The following GRIK1 variants were observed in gnomAD, a reference collection of about 807,000 sequenced individuals.
GRIK1 encodes glutamate receptor ionotropic, kainate 1.
A neutral mutation model predicts 105.7 loss-of-function variants in GRIK1; 69 were observed. That is an observed-to-expected ratio of 0.65 (90% CI 0.54 to 0.80). The LOEUF (loss-of-function observed/expected upper bound fraction) is 0.80, where lower values mean the gene tolerates loss of function less well. GRIK1 is among the 30% of genes least tolerant of loss of function. The pLI, the probability that GRIK1 is intolerant of heterozygous loss-of-function variation, is 0.00. For missense variants in GRIK1, 1,109 were observed against 1,167.3 expected, an observed-to-expected ratio of 0.95 and a Z score of 0.73; for synonymous variants, 438 against 431.3, an observed-to-expected ratio of 1.02 and a Z score of -0.19.
At chr21:29,845,033 C>G (rs991544861) in intron 1 of GRIK1, among the ~76,000 whole-genome samples, 2 of 152,088 alleles carry the variant, frequency 1.3e-5, no homozygotes, top group African/African-American at 4.8e-5. Flanking sequence ...TTATATTATT[C>G]CTTCCTGCAT....
chr21:29,580,492 T>G (rs2091003961), intron 13 of GRIK1, among the ~76,000 whole-genome samples: 1 of 152,052 alleles, frequency 6.6e-6, no homozygotes, highest in Non-Finnish European at 1.5e-5. Flanking sequence ...CCACAGTCTC[T>G]CTCTCTCTAA....
At chr21:29,669,414 A>T (rs2063122648) in intron 4 of GRIK1, among the ~76,000 whole-genome samples, 1 of 152,224 alleles carries the variant, frequency 6.6e-6, no homozygotes, top group South Asian at 2.1e-4. Context: ...AGCTACCAGA[A>T]AAGTAAAAGC....
At chr21:29,668,884 G>A (rs2063110371) in intron 4 of GRIK1, among the ~76,000 whole-genome samples, 2 of 152,204 alleles carry the variant, frequency 1.3e-5, no homozygotes, top group Admixed American at 6.5e-5. Context: ...GTGAGGAGGA[G>A]CAATGGTTTC....
intron 1 of GRIK1, among the ~76,000 whole-genome samples, chr21:29,828,572 G>T (rs978677949): frequency 6.6e-6 from 1 of 152,036 alleles, no homozygotes; most frequent in Non-Finnish European, 1.5e-5. Context: ...CAGGATCTTG[G>T]TTTATTGCAT....
intron 1 of GRIK1, among the ~76,000 whole-genome samples, chr21:29,808,652 C>T (rs2066927199): frequency 6.6e-6 from 1 of 152,164 alleles, no homozygotes; most frequent in African/African-American, 2.4e-5. Flanking sequence ...CTCCTTCATG[C>T]TTTGGCTCTT....
intron 10 of GRIK1, among the ~76,000 whole-genome samples, chr21:29,589,424 CT>C (rs71822803): frequency 0.18 from 24,497 of 137,080 alleles, 2,224 homozygotes; most frequent in Admixed American, 0.27. Context: ...ACCCTTCTGG[CT>C]TTTTTTTTTT....
intron 1 of GRIK1, among the ~76,000 whole-genome samples, chr21:29,747,233 A>T (rs917573702): frequency 1.3e-5 from 2 of 152,224 alleles, no homozygotes; most frequent in East Asian, 3.9e-4. Flanking sequence ...GTCTCAACTG[A>T]TGTCTGCACA....
rs2064891657 is a variant in GRIK1, at chr21:29,740,205, G to T, written c.119-46142C>A. 2.0e-5 allele frequency among the ~76,000 whole-genome samples: 3 copies of T among 150,610 alleles called. No homozygotes were observed. In the Middle Eastern group the frequency reaches 0.01, roughly 523 times the overall value. On this transcript the variant is annotated intron_variant, in intron 1 of 17. Transcript: ENST00000327783. ...CATGGCAGCCACTGCTCCTCATGCT[G>T]CCCTTATTTTCCTTTTCTTTTTTTT...
chr21:29,590,540 G>T (rs2061318084), intron 10 of GRIK1, among the ~76,000 whole-genome samples: 1 of 152,120 alleles, frequency 6.6e-6, no homozygotes, highest in Non-Finnish European at 1.5e-5. Context: ...GGGAGGTGGG[G>T]GTCTGATTTG....
chr21:29,685,442 G>GT (rs3838081), intron 3 of GRIK1, among the ~76,000 whole-genome samples: 7,319 of 151,664 alleles, frequency 0.048, 448 homozygotes, highest in East Asian at 0.18. Context: ...CAGAATAGGA[G>GT]TTTTTTTTGT....
At position 29,694,083 on chromosome 21, in the gene GRIK1, G is replaced by A; in HGVS notation, c.119-20C>T. The A allele has an allele frequency of 6.9e-7, 1 of 1,453,886 alleles. No homozygotes were observed. The highest frequency in any genetic ancestry group is 9.6e-7 in the Non-Finnish European group (1 of 1,037,072). 90.1% of individuals were successfully genotyped at this position (1,453,886 alleles called of 1,614,324 possible). On this transcript the variant is annotated intron_variant, in intron 1 of 17. Coordinates refer to ENST00000327783, the MANE Select transcript of GRIK1 (RefSeq NM_001330994.2). ...TCCCTCCTGCAGAAGCAAAAGAGAT[G>A]CATGAGAAGCGTTAGTCACATGGTT... is the stretch of plus-strand genomic sequence containing the variant.
chr21:29,575,547 C>A (rs767297617), intron 14 of GRIK1, among the ~76,000 whole-genome samples: 1 of 151,844 alleles, frequency 6.6e-6, no homozygotes, highest in African/African-American at 2.4e-5. Context: ...AAAAAAAATA[C>A]CCCTGGCTGA....
rs762478078 is a variant in GRIK1 at position 29,555,288 on chromosome 21, C to T, written c.2371G>A (p.Asp791Asn). ...TGAAGAATAGCAATAGTAATTTTAT[C>T]CCGGTAAGGAGAACCTGGAAGTAAA... is the stretch of plus-strand genomic sequence containing the variant. Reference protein sequence around the residue: ...VGTPIGSPYRDKITIAILQLQ... With the variant: ...VGTPIGSPYRNKITIAILQLQ... The change falls in exon 16 of 18, where the codon GAT becomes AAT. Residue 791 changes from aspartate (D) to asparagine (N), a missense_variant. Asp to Asn is a conservative substitution (Grantham distance 23). Coordinates refer to ENST00000327783, the MANE Select transcript of GRIK1 (RefSeq NM_001330994.2). 2.5e-6 allele frequency: 4 copies of T among 1,613,238 alleles called. No individual in the cohort carries two copies. Among genetic ancestry groups the T allele is most frequent in the Non-Finnish European group, 1.7e-6 (2 of 1,179,532 alleles).
chr21:29,861,877 G>C (rs568014658), intron 1 of GRIK1, among the ~76,000 whole-genome samples: 121 of 151,840 alleles, frequency 8.0e-4, no homozygotes, highest in Non-Finnish European at 1.5e-3. Context: ...TATTTTGTTG[G>C]GGATTTTTGC....
chr21:29,707,442 C>CCTTCCTTCCTTCCTTCCTT (rs2063936502), intron 1 of GRIK1, among the ~76,000 whole-genome samples: 1 of 3,302 alleles, frequency 3.0e-4, no homozygotes, highest in Non-Finnish European at 1.3e-3. Flanking sequence ...CTCCCTCCCT[C>CCTTCCTTCCTTCCTTCCTT]CCTCCCTCCC....
chr21:29,555,215 C>T lies in GRIK1; in HGVS notation c.2444G>A (p.Arg815His), dbSNP rs746882124. The part of the protein sequence containing the change: ...KLHMMKEKWW[R>H]GNGCPEEDNK... ...GTCTTCCTCGGGGCAGCCATTCCCA[C>T]GCCACCACTTCTCTTTCATCATATG... is the stretch of plus-strand genomic sequence containing the variant. Residue 815 changes from arginine (R) to histidine (H), a missense_variant, in exon 16 of 18, where the codon CGT becomes CAT. Physicochemically the swap from Arg to His is conservative, Grantham distance 29. This residue lies in a region of GRIK1 where 18 missense variants were observed against 42.8 expected (regional missense o/e 0.42). Coordinates refer to ENST00000327783, the MANE Select transcript of GRIK1 (RefSeq NM_001330994.2). The T allele has an allele frequency of 4.8e-5, 77 of 1,613,806 alleles. No homozygotes were observed. Among genetic ancestry groups the T allele is most frequent in the Non-Finnish European group, 6.1e-5 (72 of 1,179,880 alleles).
chr21:29,741,990 G>A (rs1291060219), intron 1 of GRIK1, among the ~76,000 whole-genome samples: 2 of 152,194 alleles, frequency 1.3e-5, no homozygotes, highest in Non-Finnish European at 2.9e-5. Flanking sequence ...TAATCATGGA[G>A]AAGGTACAAT....
intron 1 of GRIK1, among the ~76,000 whole-genome samples, chr21:29,802,346 T>C (rs1456107718): frequency 1.3e-5 from 2 of 152,176 alleles, no homozygotes; most frequent in Admixed American, 1.3e-4. Flanking sequence ...TCAGGTTTGT[T>C]ACTTTTGACT....
chr21:29,638,016 G>A (rs1376080315), intron 7 of GRIK1, among the ~76,000 whole-genome samples: 2 of 152,062 alleles, frequency 1.3e-5, no homozygotes, highest in East Asian at 3.9e-4. Context: ...TAATAATAAT[G>A]ATGACTCCAA....
Sources: gnomAD v4.1 joint callset for allele counts (sites outside exome capture counted in the v4.1 genomes callset) on GRCh38, gnomAD v4.1.1 for gene constraint, gnomAD v4.1.1 regional missense constraint, MANE v1.5 for transcripts, NCBI Gene and HGNC (gene_info 2026-07-23, HGNC 2026-07-21) for gene names.